The following PPFIBP2 variants were observed in gnomAD, a reference collection of about 807,000 sequenced individuals.
PPFIBP2 encodes the protein PPFIB scaffold protein 2.
Under a neutral mutation model 118.3 loss-of-function variants are expected in PPFIBP2, and 118 were observed. The ratio of observed to expected loss-of-function variants is 1.00; its 90% CI spans 0.86 to 1.16. The LOEUF (loss-of-function observed/expected upper bound fraction) is 1.16, where lower values mean the gene tolerates loss of function less well. Ranked by LOEUF, PPFIBP2 falls within the 50% of genes most tolerant of loss-of-function variation. The pLI, the probability that PPFIBP2 is intolerant of heterozygous loss-of-function variation, is 0.00. For missense variants in PPFIBP2, 1,195 were observed against 1,073.1 expected, an observed-to-expected ratio of 1.11 and a Z score of -1.59; for synonymous variants, 414 against 397.4, an observed-to-expected ratio of 1.04 and a Z score of -0.50.
chr11:7,564,624 T>C (rs1854740788), intron 2 of PPFIBP2, among the ~76,000 whole-genome samples: 1 of 152,216 alleles, frequency 6.6e-6, no homozygotes, highest in Non-Finnish European at 1.5e-5. Flanking sequence ...ATTTCATGAT[T>C]TGAGTAGCAC....
the PPFIBP2 span, among the ~76,000 whole-genome samples, chr11:7,663,048 T>C: frequency 7.4e-6 from 1 of 134,726 alleles, no homozygotes; most frequent in South Asian, 2.6e-4. Context: ...TATACATTCT[T>C]CTAAATTTTT....
chr11:7,584,494 T>C (rs1403010544), intron 3 of PPFIBP2, among the ~76,000 whole-genome samples: 2 of 152,150 alleles, frequency 1.3e-5, no homozygotes, highest in African/African-American at 2.4e-5. Context: ...TCTTTAACAC[T>C]GTGACAAAGA....
chr11:7,583,676 G>GA (rs150313013), intron 3 of PPFIBP2, among the ~76,000 whole-genome samples: 2 of 150,364 alleles, frequency 1.3e-5, no homozygotes, highest in Non-Finnish European at 3.0e-5. Flanking sequence ...TAATTTTGGG[G>GA]AAAAAAAAAA....
chr11:7,575,949 T>G (rs1299783769), intron 3 of PPFIBP2, among the ~76,000 whole-genome samples: 1 of 152,116 alleles, frequency 6.6e-6, no homozygotes, highest in Non-Finnish European at 1.5e-5. Flanking sequence ...CTCCAGGAAT[T>G]TACTCCTCCC....
At chr11:7,642,963 C>A (rs1161580328) in intron 17 of PPFIBP2, among the ~76,000 whole-genome samples, 2 of 152,120 alleles carry the variant, frequency 1.3e-5, no homozygotes, top group African/African-American at 2.4e-5. Flanking sequence ...CTTACCAGGT[C>A]CTCCTCGTGC....
chr11:7,590,208 T>C (rs1454405701), intron 3 of PPFIBP2, among the ~76,000 whole-genome samples: 1 of 152,238 alleles, frequency 6.6e-6, no homozygotes, highest in East Asian at 1.9e-4. Context: ...CATTTGATCC[T>C]GGCCTATGCC....
intron 15 of PPFIBP2, chr11:7,640,905 TTGAG>T: frequency 1.4e-6 from 1 of 720,448 alleles, no homozygotes; most frequent in Admixed American, 2.6e-5. Flanking sequence ...TTCTTTCTGT[TTGAG>T]TTTTTCTCTC....
At chr11:7,544,137 T>G (rs747862201) in intron 1 of PPFIBP2, among the ~76,000 whole-genome samples, 1 of 152,090 alleles carries the variant, frequency 6.6e-6, no homozygotes, top group Non-Finnish European at 1.5e-5. Flanking sequence ...GAAGGAAGGA[T>G]GAATTGTGGA....
intron 3 of PPFIBP2, among the ~76,000 whole-genome samples, chr11:7,591,326 T>C (rs570517420): frequency 1.3e-5 from 2 of 152,028 alleles, no homozygotes; most frequent in African/African-American, 2.4e-5. Context: ...TCCGTGTCCA[T>C]GTGGACTTCG....
intron 7 of PPFIBP2, among the ~76,000 whole-genome samples, chr11:7,624,516 G>A (rs945663620): frequency 2.6e-5 from 4 of 152,158 alleles, no homozygotes; most frequent in African/African-American, 4.8e-5. Flanking sequence ...TTGGGCCTTT[G>A]TGGAATTGAA....
intron 3 of PPFIBP2, among the ~76,000 whole-genome samples, chr11:7,586,894 C>T (rs1017673284): frequency 1.3e-4 from 20 of 152,284 alleles, no homozygotes; most frequent in African/African-American, 4.1e-4. Context: ...GTAATTCTTT[C>T]GACATAACTT....
chr11:7,561,016 C>T (rs193272062), intron 2 of PPFIBP2, among the ~76,000 whole-genome samples: 1 of 152,240 alleles, frequency 6.6e-6, no homozygotes, highest in East Asian at 1.9e-4. Flanking sequence ...TAGATAAGGT[C>T]TCTTTTTGTA....
chr11:7,518,458 G>A (rs545070855), intron 1 of PPFIBP2, among the ~76,000 whole-genome samples: 5 of 152,022 alleles, frequency 3.3e-5, no homozygotes, highest in East Asian at 1.9e-4. Context: ...GTGTGGTCTC[G>A]ATGGCAGCAT....
intron 1 of PPFIBP2, among the ~76,000 whole-genome samples, chr11:7,521,443 G>A (rs1371544163): frequency 6.6e-6 from 1 of 152,166 alleles, no homozygotes; most frequent in Non-Finnish European, 1.5e-5. Flanking sequence ...CTATTCTTTT[G>A]TGCCTATCTG....
Position 7,523,294 on chromosome 11 carries a change from C to T in PPFIBP2, c.-37+9173C>T, listed in dbSNP as rs184899616. ...GATGGAGTCTTGTCTTTGTCATGGA[C>T]GCTGACACAGTGGTCACTTCTGTTT... On this transcript the variant is annotated intron_variant, in intron 1 of 23. Coordinates refer to ENST00000299492, the MANE Select transcript of PPFIBP2 (RefSeq NM_003621.5). Among the ~76,000 whole-genome samples the T allele has an allele frequency of 4.1e-4, 63 of 152,256 alleles. 1 individual carries two copies. In the East Asian group the frequency reaches 4.6e-3, roughly 11 times the overall value.
At chr11:7,666,949 A>G in the PPFIBP2 span, 1 of 161,600 alleles carries the variant, frequency 6.2e-6, no homozygotes, top group Non-Finnish European at 1.3e-5. Flanking sequence ...TCTGGAAGAA[A>G]TGTAATGGGC....
In PPFIBP2 at chr11:7,547,988, A is replaced by G. The variant is rs76386689; in HGVS notation, c.-36-1452A>G. ...GTTTAAAGTTTCCTCTGAGCTGGCA[A>G]AAATATGTCCTGATGTTATATCCTC... On this transcript the variant is annotated intron_variant, in intron 1 of 23. Transcript: ENST00000299492. Among the ~76,000 whole-genome samples, 648 of 152,298 alleles carry G rather than the reference A, an allele frequency of 4.3e-3. 4 individuals are homozygous for G. The highest frequency in any genetic ancestry group is 0.015 in the African/African-American group (607 of 41,568).
rs1358618641 is a variant in PPFIBP2 at position 7,625,052 on chromosome 11, A to G, written c.712-725A>G. 6.6e-5 allele frequency among the ~76,000 whole-genome samples: 10 copies of G among 152,352 alleles called. No individual in the cohort carries two copies. The East Asian group carries it at 1.7e-3, about 26-fold the overall frequency. On this transcript the variant is annotated intron_variant, in intron 7 of 23. Coordinates refer to ENST00000299492, the MANE Select transcript of PPFIBP2 (RefSeq NM_003621.5). ...TTAACCTGCACTACTTAATGGCGAC[A>G]TGGGAACCATCTAGTGCAGCTGCCT... is the stretch of plus-strand genomic sequence containing the variant.
chr11:7,617,604 TC>T (rs1848816274), intron 6 of PPFIBP2, among the ~76,000 whole-genome samples: 11 of 152,028 alleles, frequency 7.2e-5, no homozygotes, highest in Admixed American at 6.5e-4. Flanking sequence ...GCCTCATGAT[TC>T]CCCTTCTCAG....
Sources: gnomAD v4.1 joint callset for allele counts (sites outside exome capture counted in the v4.1 genomes callset) on GRCh38, gnomAD v4.1.1 for gene constraint, MANE v1.5 for transcripts, NCBI Gene and HGNC (gene_info 2026-07-23, HGNC 2026-07-21) for gene names.